CRHR1: variants seen among roughly 807,000 people sequenced by gnomAD.
The protein encoded by CRHR1 is corticotropin-releasing hormone receptor 1.
CRHR1 carries 28 observed loss-of-function variants against 56.0 expected under a neutral mutation model. The ratio of observed to expected loss-of-function variants is 0.50; its 90% CI spans 0.37 to 0.69. The LOEUF (loss-of-function observed/expected upper bound fraction) is 0.69, where lower values mean the gene tolerates loss of function less well. Among genes scored for constraint, CRHR1 ranks in the 30% least tolerant of loss-of-function variants. CRHR1 has a pLI of 0.00. For synonymous variants in CRHR1, 195 were observed against 216.5 expected (o/e 0.90, Z 0.87); for missense variants, 376 against 548.0 (o/e 0.69, Z 3.13).
At chr17:45,823,460 T>G (rs1313905185) in intron 4 of CRHR1, among the ~76,000 whole-genome samples, 1 of 138,258 alleles carries the variant, frequency 7.2e-6, no homozygotes, top group Non-Finnish European at 1.5e-5. Context: ...CAGGCTGGAG[T>G]GCTGTGGCGC....
chr17:45,833,362 G>T (rs1598453131), intron 9 of CRHR1, 90 bp from the exon 10 acceptor site: 2 of 1,482,360 alleles, frequency 1.3e-6, no homozygotes, highest in East Asian at 4.5e-5. Flanking sequence ...GAGGAGGAGG[G>T]AGAACAGCAG....
In CRHR1 at chr17:45,830,396, T is replaced by A. The variant is rs759658271; in HGVS notation, c.556-21T>A. On this transcript the variant is annotated intron_variant, in intron 6 of 12. Transcript: ENST00000314537. ...CTCCCCTGCCCCCCATCATCATCTC[T>A]GGTTGGGGGTGGGGTGGCAGGGCTG... The A allele has an allele frequency of 8.2e-6, 13 of 1,594,918 alleles. 1 individual carries two copies. Among genetic ancestry groups the A allele is most frequent in the Admixed American group, 3.4e-5 (2 of 59,050 alleles).
chr17:45,829,924 T>C (rs2062256631), intron 5 of CRHR1, among the ~76,000 whole-genome samples, 170 bp from the exon 6 acceptor site: 1 of 152,038 alleles, frequency 6.6e-6, no homozygotes, highest in Non-Finnish European at 1.5e-5. Flanking sequence ...AAGGGCTCCA[T>C]GGGGCATTAG....
intron 6 of CRHR1, 57 bp from the exon 7 acceptor site, chr17:45,830,360 G>C: frequency 1.3e-6 from 2 of 1,581,806 alleles, no homozygotes; most frequent in Non-Finnish European, 1.7e-6. Context: ...CCCAGGCCCA[G>C]GGTTTGGTGC....
Position 45,833,638 on chromosome 17 carries a change from C to T in CRHR1, c.930-76C>T, listed in dbSNP as rs1300510061. 5 of 1,600,420 alleles carry T rather than the reference C, an allele frequency of 3.1e-6. No individual in the cohort carries two copies. In the Admixed American group the frequency reaches 8.4e-5, roughly 27 times the overall value. ...CTGCCACTCCCTCCCCCGACCTGGC[C>T]CTCTTTGCCGAGCCAGCGGGCAGCC... On this transcript the variant is annotated intron_variant, in intron 10 of 12. Coordinates refer to ENST00000314537, the MANE Select transcript of CRHR1 (RefSeq NM_004382.5).
chr17:45,799,464 G>A (rs186898050), intron 1 of CRHR1: 9 of 152,174 alleles, frequency 5.9e-5, no homozygotes, highest in South Asian at 2.1e-4. Context: ...TTTCTTTTTC[G>A]CGTTTAGATT....
intron 3 of CRHR1, among the ~76,000 whole-genome samples, chr17:45,817,007 C>T (rs1377140799): frequency 6.6e-6 from 1 of 152,160 alleles, no homozygotes; most frequent in Non-Finnish European, 1.5e-5. Flanking sequence ...AACCTTGAGT[C>T]GAGAGGTTCT....
At chr17:45,797,026 C>T (rs983211937) in intron 1 of CRHR1, among the ~76,000 whole-genome samples, 4 of 152,232 alleles carry the variant, frequency 2.6e-5, no homozygotes, top group African/African-American at 9.6e-5. Flanking sequence ...CACCCCCTGC[C>T]CCCATGCTTA....
intron 1 of CRHR1, among the ~76,000 whole-genome samples, chr17:45,806,436 G>T (rs2061720455): frequency 6.6e-6 from 1 of 152,234 alleles, no homozygotes; most frequent in Admixed American, 6.5e-5. Context: ...CACGGCAGAT[G>T]TACAAGAGCT....
intron 3 of CRHR1, among the ~76,000 whole-genome samples, chr17:45,820,512 G>A (rs2062018406): frequency 6.6e-6 from 1 of 152,182 alleles, no homozygotes; most frequent in Non-Finnish European, 1.5e-5. Flanking sequence ...CTCCTTAGAA[G>A]GTGACAGGTT....
At chr17:45,833,083 G>T in intron 8 of CRHR1, 55 bp from the exon 9 acceptor site, 4 of 1,477,116 alleles carry the variant, frequency 2.7e-6, no homozygotes, top group Non-Finnish European at 2.8e-6. Context: ...CCCTCCCCAT[G>T]CCATCGAGGT....
At chr17:45,793,177 C>T (rs754838783) in intron 1 of CRHR1, among the ~76,000 whole-genome samples, 18 of 152,266 alleles carry the variant, frequency 1.2e-4, no homozygotes, top group Non-Finnish European at 1.8e-4. Flanking sequence ...TACGCGGCAG[C>T]GCGGCTTAGT....
At chr17:45,817,133 A>G (rs553429106) in intron 3 of CRHR1, among the ~76,000 whole-genome samples, 1 of 152,184 alleles carries the variant, frequency 6.6e-6, no homozygotes, top group East Asian at 1.9e-4. Context: ...GACGGGGTTG[A>G]CCCAGGGTCC....
chr17:45,828,797 G>T (rs1245542239), intron 4 of CRHR1, among the ~76,000 whole-genome samples: 3 of 152,206 alleles, frequency 2.0e-5, no homozygotes, highest in Non-Finnish European at 4.4e-5. Context: ...TTCAGAAATG[G>T]GTGGAGAAGA....
At chr17:45,815,420 G>T (rs549866109) in intron 2 of CRHR1, among the ~76,000 whole-genome samples, 1 of 152,088 alleles carries the variant, frequency 6.6e-6, no homozygotes, top group African/African-American at 2.4e-5. Flanking sequence ...TCTCTCTCTC[G>T]CGTGCTCTCT....
chr17:45,826,797 A>C (rs2062173932), intron 4 of CRHR1: 1 of 152,288 alleles, frequency 6.6e-6, no homozygotes, highest in Admixed American at 6.5e-5. Flanking sequence ...GCAACATGGC[A>C]AAACCCCATC....
At chr17:45,830,768 ATCC>A (rs2062287906) in intron 7 of CRHR1, 109 bp from the exon 8 acceptor site, 4 of 1,248,762 alleles carry the variant, frequency 3.2e-6, no homozygotes, top group Admixed American at 4.7e-5. Context: ...TGAGTTTGAG[ATCC>A]ACCCTGAGTA....
chr17:45,833,630 G>A (rs1284396616), intron 10 of CRHR1, 84 bp from the exon 11 acceptor site: 47 of 1,597,262 alleles, frequency 2.9e-5, no homozygotes, highest in Admixed American at 1.5e-4. Flanking sequence ...TCCCTCCCCC[G>A]ACCTGGCCCT....
intron 1 of CRHR1, among the ~76,000 whole-genome samples, chr17:45,801,734 A>G (rs1341629034): frequency 6.6e-6 from 1 of 152,196 alleles, no homozygotes; most frequent in East Asian, 1.9e-4. Context: ...AAGGAGCGCC[A>G]GTGGCTGGGA....
Sources: allele counts gnomAD v4.1 joint callset (sites outside exome capture counted in the v4.1 genomes callset), GRCh38; gene constraint gnomAD v4.1.1; transcripts MANE v1.5; gene names NCBI Gene and HGNC (gene_info 2026-07-23, HGNC 2026-07-21).